Variants in AFF2 observed in about 807,000 individuals in gnomAD.
AFF2 encodes the protein AF4/FMR2 family member 2.
AFF2 carries 14 observed loss-of-function variants against 76.9 expected under a neutral mutation model. The ratio of observed to expected loss-of-function variants is 0.18; its 90% CI spans 0.12 to 0.28. The LOEUF (loss-of-function observed/expected upper bound fraction) is 0.28. Ranked by LOEUF, AFF2 falls within the 10% of genes least tolerant of loss-of-function variation. The pLI is 1.00. For synonymous variants in AFF2, 398 were observed against 366.7 expected, an observed-to-expected ratio of 1.09 and a Z score of -0.98; for missense variants, 868 against 1,001.1, an observed-to-expected ratio of 0.87 and a Z score of 1.79.
intron 3 of AFF2, among the ~76,000 whole-genome samples, chrX:148,786,576 G>A (rs2069823472): frequency 9.0e-6 from 1 of 111,276 alleles, no homozygotes; most frequent in African/African-American, 3.3e-5. Flanking sequence ...CCCTCTATGC[G>A]TATCTTTGTA....
intron 3 of AFF2, among the ~76,000 whole-genome samples, chrX:148,728,672 A>G (rs1469544768): frequency 4.4e-5 from 5 of 112,521 alleles, no homozygotes; most frequent in Non-Finnish European, 9.4e-5. Flanking sequence ...GTACTTGCAA[A>G]TGCAGATCCA....
At chrX:148,932,732 G>A (rs1381963299) in intron 9 of AFF2, among the ~76,000 whole-genome samples, 6 of 112,269 alleles carry the variant, frequency 5.3e-5, no homozygotes, top group African/African-American at 1.9e-4. Context: ...CCTGTTTTCT[G>A]TTATTAGGGT....
intron 3 of AFF2, among the ~76,000 whole-genome samples, chrX:148,780,457 T>A (rs2069728159): frequency 8.9e-6 from 1 of 111,953 alleles, no homozygotes; most frequent in African/African-American, 3.2e-5. Flanking sequence ...TTTTCATTAT[T>A]TTTTCTCTAA....
intron 3 of AFF2, among the ~76,000 whole-genome samples, chrX:148,668,450 T>C (rs1203453415): frequency 8.9e-6 from 1 of 112,659 alleles, no homozygotes; most frequent in Non-Finnish European, 1.9e-5. Context: ...CACATTGTCC[T>C]AGCAGAGGTT....
intron 3 of AFF2, among the ~76,000 whole-genome samples, chrX:148,712,088 C>T (rs960913944): frequency 9.0e-6 from 1 of 111,653 alleles, no homozygotes; most frequent in African/African-American, 3.3e-5. Flanking sequence ...GACATGAATA[C>T]AAGTAATGGT....
chrX:148,886,153 G>A (rs1166305284), intron 8 of AFF2, among the ~76,000 whole-genome samples, 168 bp downstream of exon 8: 1 of 111,698 alleles, frequency 9.0e-6, no homozygotes, highest in Non-Finnish European at 1.9e-5. Flanking sequence ...GGTCAAATCA[G>A]TTCAAACTTT....
chrX:148,887,927 C>G (rs1227095016), intron 8 of AFF2, among the ~76,000 whole-genome samples: 1 of 112,522 alleles, frequency 8.9e-6, no homozygotes, highest in Non-Finnish European at 1.9e-5. Context: ...AATGCTTGTG[C>G]AGTAGTGGCA....
intron 1 of AFF2, among the ~76,000 whole-genome samples, chrX:148,609,156 T>A (rs2053702745): frequency 9.0e-6 from 1 of 111,381 alleles, no homozygotes; most frequent in Non-Finnish European, 1.9e-5. Flanking sequence ...CGCATATAGA[T>A]TTGCCATATT....
At chrX:148,948,103 T>C (rs1427109183) in intron 9 of AFF2, among the ~76,000 whole-genome samples, 1 of 112,695 alleles carries the variant, frequency 8.9e-6, no homozygotes, top group Non-Finnish European at 1.9e-5. Context: ...TCATCATCTC[T>C]GTTTATCTCC....
At chrX:148,803,151 G>A in intron 3 of AFF2, among the ~76,000 whole-genome samples, 1 of 111,396 alleles carries the variant, frequency 9.0e-6, no homozygotes, top group East Asian at 2.8e-4. Flanking sequence ...AATTTCAAAA[G>A]GAAAGGACCA....
At chrX:148,673,045 A>G (rs1399942188) in intron 3 of AFF2, among the ~76,000 whole-genome samples, 4 of 112,256 alleles carry the variant, frequency 3.6e-5, no homozygotes, top group African/African-American at 9.7e-5. Context: ...TTGCAAAAGT[A>G]GTTAGCAAGG....
intron 3 of AFF2, among the ~76,000 whole-genome samples, chrX:148,674,408 G>A (rs1478915407): frequency 9.0e-6 from 1 of 111,308 alleles, no homozygotes; most frequent in Non-Finnish European, 1.9e-5. Context: ...TTAGAAAGTG[G>A]GGAAAGTCAG....
At chrX:148,517,685 A>G in intron 1 of AFF2, among the ~76,000 whole-genome samples, 1 of 111,836 alleles carries the variant, frequency 8.9e-6, no homozygotes, top group Non-Finnish European at 1.9e-5. Flanking sequence ...TCAACTGTAC[A>G]GTATTGGTTC....
At chrX:148,959,492 G>A (rs1024868308) in intron 12 of AFF2, among the ~76,000 whole-genome samples, 11 of 111,794 alleles carry the variant, frequency 9.8e-5, no homozygotes, top group Non-Finnish European at 1.3e-4. Context: ...ATAAGATGTC[G>A]GAAATAAGTT....
intron 1 of AFF2, among the ~76,000 whole-genome samples, chrX:148,616,587 A>T (rs1218248008): frequency 8.2e-5 from 9 of 110,382 alleles, no homozygotes; most frequent in African/African-American, 3.0e-4. Flanking sequence ...TTTTATTATT[A>T]TTATACTTTA....
chrX:148,753,803 A>G (rs868922248), intron 3 of AFF2, among the ~76,000 whole-genome samples: 2 of 111,610 alleles, frequency 1.8e-5, no homozygotes, highest in African/African-American at 6.5e-5. Context: ...AAAATAGGCC[A>G]TGGAGTCTGT....
chrX:148,970,354 A>G (rs2072234949), intron 15 of AFF2, among the ~76,000 whole-genome samples: 1 of 112,197 alleles, frequency 8.9e-6, no homozygotes, highest in South Asian at 3.7e-4. Context: ...ATCCTTTGCT[A>G]GAGACAGCTA....
At chrX:148,586,088 T>C (rs2053466563) in intron 1 of AFF2, among the ~76,000 whole-genome samples, 1 of 110,379 alleles carries the variant, frequency 9.1e-6, no homozygotes, top group African/African-American at 3.3e-5. Context: ...GTGAGAAAGG[T>C]ATTATTATTA....
intron 8 of AFF2, among the ~76,000 whole-genome samples, chrX:148,897,244 T>C (rs1242205015): frequency 6.3e-5 from 2 of 31,701 alleles, no homozygotes; most frequent in Admixed American, 4.0e-4. Context: ...TATATATATA[T>C]ATATATATAT....
Sources: gnomAD v4.1 joint callset for allele counts (sites outside exome capture counted in the v4.1 genomes callset) on GRCh38, gnomAD v4.1.1 for gene constraint, MANE v1.5 for transcripts, NCBI Gene and HGNC (gene_info 2026-07-23, HGNC 2026-07-21) for gene names.